Variants in XKR9 observed in about 807,000 individuals in gnomAD.
XKR9 encodes XK related 9.
Under a neutral mutation model 32.0 loss-of-function variants are expected in XKR9, and 32 were observed. The observed-to-expected ratio is 1.00, with a 90% CI of 0.76 to 1.34. XKR9 has a LOEUF of 1.34. Among genes scored for constraint, XKR9 ranks in the 40% most tolerant of loss-of-function variants. XKR9 has a pLI of 0.00. For synonymous variants in XKR9, 168 were observed against 143.4 expected (o/e 1.17, Z -1.22); for missense variants, 546 against 429.7 (o/e 1.27, Z -2.39).
At chr8:70,993,973 G>A in the XKR9 span, among the ~76,000 whole-genome samples, 28 of 152,198 alleles carry the variant, frequency 1.8e-4, no homozygotes, top group Admixed American at 1.3e-3. Flanking sequence ...ATCAAAATAT[G>A]CCAAATAAAT....
Position 70,764,059 on chromosome 8 carries a change from C to A in XKR9, n.353-25280C>A, listed in dbSNP as rs931892144. On this transcript the variant is annotated intron_variant and non_coding_transcript_variant, in intron 2 of 3. Coordinates refer to the XKR9 transcript ENST00000520273. ...ACTGCAGATAGTTTTGAGTCTATAG[C>A]CTTATTGATGAGCTCTCCTTGCTTC... Among the ~76,000 whole-genome samples, 4 of 152,296 alleles carry A rather than the reference C, an allele frequency of 2.6e-5. No homozygotes were observed. The East Asian group carries it at 7.7e-4, about 29-fold the overall frequency.
At chr8:70,839,676 T>G in the XKR9 span, among the ~76,000 whole-genome samples, 1 of 152,158 alleles carries the variant, frequency 6.6e-6, no homozygotes, top group African/African-American at 2.4e-5. Context: ...GAGAATTTTA[T>G]GTTTGTCTAA....
chr8:70,930,621 C>T, the XKR9 span, among the ~76,000 whole-genome samples: 5 of 152,152 alleles, frequency 3.3e-5, no homozygotes, highest in African/African-American at 9.7e-5. Context: ...CTTGCCTGAA[C>T]ATATTTCAAC....
intron 2 of XKR9, among the ~76,000 whole-genome samples, chr8:70,788,166 T>C (rs887453803): frequency 5.3e-5 from 8 of 152,118 alleles, no homozygotes; most frequent in African/African-American, 1.9e-4. Flanking sequence ...TTATGTCTGT[T>C]GCACAGTTTC....
At chr8:70,743,546 G>T (rs771735897) in intron 2 of XKR9, among the ~76,000 whole-genome samples, 5 of 151,682 alleles carry the variant, frequency 3.3e-5, no homozygotes, top group Non-Finnish European at 7.4e-5. Context: ...TTTCTTTTCA[G>T]CAGGCAGTAA....
the XKR9 span, among the ~76,000 whole-genome samples, chr8:70,949,979 T>C: frequency 3.3e-5 from 5 of 152,240 alleles, no homozygotes; most frequent in African/African-American, 9.6e-5. Flanking sequence ...CAAGGCTCTA[T>C]GGCCTCCCAA....
intron 2 of XKR9, among the ~76,000 whole-genome samples, chr8:70,765,898 T>C (rs544269774): frequency 7.9e-4 from 121 of 152,346 alleles, no homozygotes; most frequent in Non-Finnish European, 1.4e-3. Flanking sequence ...GTCAGGTTTG[T>C]TAAACATCAG....
the XKR9 span, among the ~76,000 whole-genome samples, chr8:71,021,566 G>A: frequency 4.3e-5 from 6 of 140,740 alleles, no homozygotes; most frequent in Non-Finnish European, 7.6e-5. Flanking sequence ...GCAGTGGCGC[G>A]ATCTCGACTC....
chr8:70,855,679 A>T, the XKR9 span, among the ~76,000 whole-genome samples: 1 of 152,268 alleles, frequency 6.6e-6, no homozygotes, highest in South Asian at 2.1e-4. Flanking sequence ...TAATTGTCAG[A>T]TTCACCAAAG....
At chr8:70,844,079 G>A in the XKR9 span, among the ~76,000 whole-genome samples, 1 of 152,170 alleles carries the variant, frequency 6.6e-6, no homozygotes, top group Non-Finnish European at 1.5e-5. Flanking sequence ...CAAGGACGAT[G>A]TCCCCAGGAC....
the XKR9 span, among the ~76,000 whole-genome samples, chr8:70,945,152 A>C: frequency 6.6e-6 from 1 of 152,248 alleles, no homozygotes; most frequent in Non-Finnish European, 1.5e-5. Flanking sequence ...ATTTGAATAT[A>C]TTGAATCTCT....
chr8:70,990,164 T>C, the XKR9 span, among the ~76,000 whole-genome samples: 29 of 152,246 alleles, frequency 1.9e-4, no homozygotes, highest in Non-Finnish European at 3.7e-4. Context: ...GTTTCTCTCA[T>C]GAAGTTATTT....
the XKR9 span, among the ~76,000 whole-genome samples, chr8:70,914,772 A>G: frequency 1.3e-5 from 2 of 152,160 alleles, no homozygotes; most frequent in African/African-American, 4.8e-5. Flanking sequence ...CTGCTTTTAT[A>G]ACCAGTTTAA....
At chr8:70,738,979 A>G (rs1369768286), downstream of XKR9, among the ~76,000 whole-genome samples, 1 of 152,162 alleles carries the variant, frequency 6.6e-6, no homozygotes, top group Non-Finnish European at 1.5e-5. Flanking sequence ...GTAGATGTCT[A>G]TTAGGTCCGC....
At chr8:70,911,050 G>T in the XKR9 span, among the ~76,000 whole-genome samples, 5 of 152,092 alleles carry the variant, frequency 3.3e-5, no homozygotes, top group Admixed American at 2.0e-4. Flanking sequence ...GATTACATTG[G>T]GCACACCTGT....
chr8:70,730,937 G>C (rs1806643514), intron 4 of XKR9, among the ~76,000 whole-genome samples: 1 of 152,156 alleles, frequency 6.6e-6, no homozygotes, highest in Admixed American at 6.5e-5. Flanking sequence ...CAGAAACCAA[G>C]GGAAAGTATC....
chr8:70,770,378 G>A (rs1382179341), intron 2 of XKR9, among the ~76,000 whole-genome samples: 7 of 152,152 alleles, frequency 4.6e-5, no homozygotes, highest in Non-Finnish European at 1.0e-4. Context: ...GGTGTCTGTC[G>A]ACCCCTGCTC....
chr8:70,745,067 T>G (rs1470114432), intron 2 of XKR9, among the ~76,000 whole-genome samples: 1 of 150,090 alleles, frequency 6.7e-6, no homozygotes, highest in African/African-American at 2.4e-5. Flanking sequence ...ATATTATACA[T>G]CTACTAAGGA....
At chr8:70,868,040 C>G in the XKR9 span, among the ~76,000 whole-genome samples, 1 of 152,200 alleles carries the variant, frequency 6.6e-6, no homozygotes, top group African/African-American at 2.4e-5. Flanking sequence ...GTCTCATATC[C>G]AGGTCACACA....
Sources: allele counts gnomAD v4.1 joint callset (sites outside exome capture counted in the v4.1 genomes callset), GRCh38; gene constraint gnomAD v4.1.1; transcripts MANE v1.5; gene names NCBI Gene and HGNC (gene_info 2026-07-23, HGNC 2026-07-21).